Variants in SLIT2 observed in about 807,000 individuals in gnomAD.
The protein encoded by SLIT2 is slit guidance ligand 2, also known as slit homolog 2 protein.
A neutral mutation model predicts 185.7 loss-of-function variants in SLIT2; 41 were observed. The observed-to-expected ratio is 0.22, with a 90% CI of 0.17 to 0.29. The LOEUF (loss-of-function observed/expected upper bound fraction) is 0.29, where lower values mean the gene tolerates loss of function less well. Among genes scored for constraint, SLIT2 ranks in the 10% least tolerant of loss-of-function variants. SLIT2 has a pLI of 1.00. For missense variants in SLIT2, 1,571 were observed against 1,909.0 expected, an observed-to-expected ratio of 0.82 and a Z score of 3.30; for synonymous variants, 693 against 680.2, an observed-to-expected ratio of 1.02 and a Z score of -0.29.
intron 4 of SLIT2, among the ~76,000 whole-genome samples, chr4:20,428,628 G>T (rs957284238): frequency 6.6e-6 from 1 of 152,038 alleles, no homozygotes; most frequent in Non-Finnish European, 1.5e-5. Context: ...GTGCCCCTAA[G>T]TGGCCATAAT....
At chr4:20,506,455 C>T (rs2148819683) in intron 9 of SLIT2, among the ~76,000 whole-genome samples, 1 of 152,038 alleles carries the variant, frequency 6.6e-6, no homozygotes, top group Admixed American at 6.6e-5. Flanking sequence ...AGCTTCTATG[C>T]TATTAAAGCA....
intron 4 of SLIT2, among the ~76,000 whole-genome samples, chr4:20,344,227 A>G (rs1560336362): frequency 6.6e-6 from 1 of 152,178 alleles, no homozygotes; most frequent in Non-Finnish European, 1.5e-5. Context: ...AATCCAGGAG[A>G]GTAGACAGAC....
In SLIT2 at chr4:20,486,287, A is replaced by G; in HGVS notation, c.611+16A>G. The G allele has an allele frequency of 7.0e-7, 1 of 1,427,992 alleles. No individual in the cohort carries two copies. The highest frequency in any genetic ancestry group is 9.9e-7 in the Non-Finnish European group (1 of 1,011,582). The allele number at this position is 1,427,992 out of a possible 1,614,324, so 88.5% of individuals were successfully genotyped here. A position where few individuals can be genotyped will look rare whatever the true frequency, so the allele number is the denominator to read the frequency against. On this transcript the variant is annotated intron_variant, in intron 7 of 36. Transcript: ENST00000504154. The stretch of plus-strand genomic sequence containing the variant: ...TTAGGACTTTGTAAGTAGTCACAAT[A>G]TATGTAAAAGTCATATTAATCAATT...
intron 4 of SLIT2, among the ~76,000 whole-genome samples, chr4:20,362,552 A>T (rs1163997696): frequency 6.6e-6 from 1 of 151,794 alleles, no homozygotes; most frequent in Non-Finnish European, 1.5e-5. Context: ...CATTAATTTT[A>T]TATTATTTAT....
rs559995116 is a variant in SLIT2, at chr4:20,573,125, C to T, written c.3088+4121C>T. The T allele has an allele frequency of 3.9e-5, 27 of 685,206 alleles. 1 individual carries two copies. The highest frequency in any genetic ancestry group is 2.7e-4 in the South Asian group (18 of 66,024). The allele number at this position is 685,206 out of a possible 1,614,324, so 42.4% of individuals were successfully genotyped here. A position where few individuals can be genotyped will look rare whatever the true frequency, so the allele number is the denominator to read the frequency against. On this transcript the variant is annotated intron_variant, in intron 29 of 36. Transcript: ENST00000504154. ...AATCCAAGCCTTGCTTCAGCTTGCT[C>T]GCCCACCCCTGCTTCTCTGTTGTGA... is the stretch of plus-strand genomic sequence containing the variant.
chr4:20,390,770 T>A (rs77208911), intron 4 of SLIT2, among the ~76,000 whole-genome samples: 92 of 78,528 alleles, frequency 1.2e-3, no homozygotes, highest in African/African-American at 3.7e-3. Flanking sequence ...TTTTTTTTTT[T>A]TAAAAAAAAA....
chr4:20,369,554 G>A (rs941225619), intron 4 of SLIT2, among the ~76,000 whole-genome samples: 1 of 152,052 alleles, frequency 6.6e-6, no homozygotes, highest in Non-Finnish European at 1.5e-5. Flanking sequence ...ACGTTTGCCA[G>A]CCCCTGATCT....
intron 4 of SLIT2, among the ~76,000 whole-genome samples, chr4:20,281,491 G>A (rs1013236151): frequency 6.6e-5 from 10 of 152,164 alleles, no homozygotes; most frequent in Non-Finnish European, 1.2e-4. Flanking sequence ...CAGAATGTGT[G>A]GAACCTGAAT....
At chr4:20,483,530 T>G (rs1716913249) in intron 6 of SLIT2, among the ~76,000 whole-genome samples, 1 of 152,068 alleles carries the variant, frequency 6.6e-6, no homozygotes, top group African/African-American at 2.4e-5. Flanking sequence ...TCCCTTGAAT[T>G]GCTGCTTTTA....
intron 11 of SLIT2, among the ~76,000 whole-genome samples, chr4:20,511,597 T>TTTTTTTTTTTTTTTTTTTTTTTA: frequency 7.2e-6 from 1 of 139,092 alleles, no homozygotes; most frequent in Non-Finnish European, 1.5e-5. Context: ...ATTTTTTTTT[T>TTTTTTTTTTTTTTTTTTTTTTTA]TTTTTTATTT....
intron 29 of SLIT2, among the ~76,000 whole-genome samples, chr4:20,583,642 C>T (rs1469213486): frequency 2.6e-5 from 4 of 151,882 alleles, no homozygotes; most frequent in Non-Finnish European, 5.9e-5. Context: ...CACCTCATCT[C>T]TACTAAAAGT....
chr4:20,561,090 T>G lies in SLIT2; in HGVS notation c.2726-6172T>G, dbSNP rs140784456. 4.0e-3 allele frequency among the ~76,000 whole-genome samples: 612 copies of G among 151,982 alleles called. 13 individuals are homozygous for G. Among genetic ancestry groups the G allele is most frequent in the African/African-American group, 0.014 (574 of 41,420 alleles). On this transcript the variant is annotated intron_variant, in intron 26 of 36. Coordinates refer to ENST00000504154, the MANE Select transcript of SLIT2 (RefSeq NM_004787.4). ...CCAAGAGGCCAACAGGAAATTCTTC[T>G]TTTGAATCAAATGGAGTATAACACA...
At chr4:20,416,593 A>G (rs1288897170) in intron 4 of SLIT2, among the ~76,000 whole-genome samples, 1 of 152,168 alleles carries the variant, frequency 6.6e-6, no homozygotes, top group Non-Finnish European at 1.5e-5. Context: ...AAAAAATCGT[A>G]TCAACTCCTG....
intron 30 of SLIT2, among the ~76,000 whole-genome samples, chr4:20,594,262 C>T (rs545177458): frequency 6.8e-6 from 1 of 146,346 alleles, no homozygotes; most frequent in African/African-American, 2.6e-5. Flanking sequence ...TATACATACA[C>T]GCATATGTAT....
chr4:20,504,542 A>G (rs1382488680), intron 9 of SLIT2, among the ~76,000 whole-genome samples: 1 of 152,114 alleles, frequency 6.6e-6, no homozygotes, highest in African/African-American at 2.4e-5. Context: ...GATTGCAGCC[A>G]GTTATGTTGT....
intron 33 of SLIT2, among the ~76,000 whole-genome samples, chr4:20,609,697 G>A (rs180837107): frequency 4.0e-4 from 61 of 152,304 alleles, no homozygotes; most frequent in Middle Eastern, 6.8e-3. Context: ...GAAGTTAAAA[G>A]CAAATGTATA....
At position 20,596,546 on chromosome 4, in the gene SLIT2, A is replaced by G; in HGVS notation, c.3452A>G (p.Tyr1151Cys). ...CCAATATGTCAGTGTTTGCCTGGCT[A>G]TCAGGGAGAAAAGTGTGAAAAATTG... ...NEPICQCLPG[Y>C]QGEKCEKLVS... The change falls in exon 32 of 37, where the codon TAT becomes TGT. Residue 1151 changes from tyrosine (Y) to cysteine (C), a missense_variant. By Grantham distance (194) the Tyr-to-Cys change is radical. This residue lies in a region of SLIT2 where 146 missense variants were observed against 247.4 expected (regional missense o/e 0.59). Transcript: ENST00000504154. 6.2e-7 allele frequency: 1 copy of G among 1,614,120 alleles called. No individual in the cohort carries two copies. The highest frequency in any genetic ancestry group is 8.5e-7 in the Non-Finnish European group (1 of 1,179,994).
intron 29 of SLIT2, among the ~76,000 whole-genome samples, chr4:20,580,443 A>G (rs1356559092): frequency 6.6e-6 from 1 of 151,910 alleles, no homozygotes; most frequent in Non-Finnish European, 1.5e-5. Context: ...GTGTATGCAC[A>G]TAAGTAGTTA....
intron 4 of SLIT2, among the ~76,000 whole-genome samples, chr4:20,371,865 G>A (rs1230655191): frequency 6.6e-6 from 1 of 151,450 alleles, no homozygotes; most frequent in Non-Finnish European, 1.5e-5. Flanking sequence ...TTTTTAATTT[G>A]GTGATTATCC....
Sources: allele counts gnomAD v4.1 joint callset (sites outside exome capture counted in the v4.1 genomes callset), GRCh38; gene constraint gnomAD v4.1.1; regional missense constraint gnomAD v4.1.1; transcripts MANE v1.5; gene names NCBI Gene and HGNC (gene_info 2026-07-23, HGNC 2026-07-21).